The following WNK2 variants were observed in gnomAD, a reference collection of about 807,000 sequenced individuals.
The protein encoded by WNK2 is WNK lysine deficient protein kinase 2.
WNK2 carries 67 observed loss-of-function variants against 192.1 expected under a neutral mutation model. The ratio of observed to expected loss-of-function variants is 0.35; its 90% CI spans 0.29 to 0.43. The LOEUF (loss-of-function observed/expected upper bound fraction) is 0.43. WNK2 is among the 20% of genes least tolerant of loss of function. WNK2 has a pLI of 1.00. For synonymous variants in WNK2, 1,439 were observed against 1,393.9 expected (o/e 1.03, Z -0.72); for missense variants, 2,698 against 3,089.7 (o/e 0.87, Z 3.01).
At chr9:93,235,840 G>A (rs1007117365) in intron 5 of WNK2, among the ~76,000 whole-genome samples, 1 of 152,324 alleles carries the variant, frequency 6.6e-6, no homozygotes, top group Admixed American at 6.5e-5. Flanking sequence ...GGTGCACCAG[G>A]GGCTGTGGTC....
intron 10 of WNK2, chr9:93,256,721 G>T: frequency 1.5e-6 from 1 of 668,032 alleles, no homozygotes; most frequent in Non-Finnish European, 2.5e-6. Context: ...GAACATTTCT[G>T]CAAGATCTGC....
intron 2 of WNK2, among the ~76,000 whole-genome samples, chr9:93,219,592 C>CT (rs1275546490): frequency 6.6e-6 from 1 of 152,244 alleles, no homozygotes; most frequent in Non-Finnish European, 1.5e-5. Flanking sequence ...CCACAGAGGG[C>CT]TGGGCAGGCG....
intron 2 of WNK2, among the ~76,000 whole-genome samples, chr9:93,202,155 A>T (rs1236283602): frequency 1.3e-5 from 2 of 152,156 alleles, no homozygotes; most frequent in Non-Finnish European, 2.9e-5. Flanking sequence ...CCCTGACCAT[A>T]CAAGATGGCT....
chr9:93,301,344 C>A (rs1423320637), intron 26 of WNK2, among the ~76,000 whole-genome samples: 2 of 152,194 alleles, frequency 1.3e-5, no homozygotes, highest in Non-Finnish European at 2.9e-5. Context: ...CTGTGGGAGG[C>A]GTCCACTGCC....
chr9:93,277,502 C>A (rs1381488623), intron 19 of WNK2, among the ~76,000 whole-genome samples: 1 of 152,168 alleles, frequency 6.6e-6, no homozygotes, highest in Non-Finnish European at 1.5e-5. Flanking sequence ...AACTATGGTA[C>A]TTTGAAAAAG....
chr9:93,222,089 G>A (rs1294730392), intron 2 of WNK2, among the ~76,000 whole-genome samples: 2 of 147,458 alleles, frequency 1.4e-5, no homozygotes, highest in Non-Finnish European at 3.0e-5. Flanking sequence ...GTACCGGTGT[G>A]TATGTGCGGG....
chr9:93,253,089 C>A lies in WNK2; in HGVS notation c.2034+7C>A, dbSNP rs780465302. 1.4e-6 allele frequency: 2 copies of A among 1,431,110 alleles called. No individual in the cohort carries two copies. Among genetic ancestry groups the A allele is most frequent in the Non-Finnish European group, 1.8e-6 (2 of 1,092,706 alleles). 88.7% of individuals were successfully genotyped at this position (1,431,110 alleles called of 1,614,324 possible). On this transcript the variant is annotated splice_region_variant and intron_variant, in intron 9 of 29. Transcript: ENST00000427277. ...CCAGCAGCCCACGGCTGCAGTGAGT[C>A]AGAGCATCACTCCCACCCCCTTCCC...
intron 29 of WNK2, chr9:93,318,924 G>T: frequency 7.1e-7 from 1 of 1,417,876 alleles, no homozygotes; most frequent in South Asian, 1.6e-5. Context: ...GTACTTATTA[G>T]AACTGGGTAA....
chr9:93,262,112 G>A lies in WNK2; in HGVS notation c.3360+5G>A. 1 of 1,575,502 alleles carries A rather than the reference G, an allele frequency of 6.3e-7. No individual in the cohort carries two copies. Among genetic ancestry groups the A allele is most frequent in the Non-Finnish European group, 8.7e-7 (1 of 1,155,308 alleles). ...ACGGTGGAACCAGTCCAAGAGGTGT[G>A]TGCCCCTCCCCCCAGCCTGTCCCAT... On this transcript the variant is annotated splice_donor_5th_base_variant and intron_variant, in intron 13 of 29. Coordinates refer to ENST00000427277, the MANE Select transcript of WNK2 (RefSeq NM_006648.4).
At chr9:93,186,915 G>A (rs2130875094) in intron 2 of WNK2, among the ~76,000 whole-genome samples, 1 of 152,248 alleles carries the variant, frequency 6.6e-6, no homozygotes, top group South Asian at 2.1e-4. Flanking sequence ...GGTCCTGTAG[G>A]TTCTGATGGT....
At chr9:93,311,074 C>T (rs1168008775) in intron 28 of WNK2, among the ~76,000 whole-genome samples, 1 of 152,156 alleles carries the variant, frequency 6.6e-6, no homozygotes, top group African/African-American at 2.4e-5. Context: ...ATTGTCCCTC[C>T]CCCAGCCCCT....
At chr9:93,271,242 G>A (rs1266126359) in intron 19 of WNK2, among the ~76,000 whole-genome samples, 1 of 152,228 alleles carries the variant, frequency 6.6e-6, no homozygotes, top group Non-Finnish European at 1.5e-5. Flanking sequence ...GCAACTCGCA[G>A]TCTGAACCTA....
chr9:93,301,449 C>A (rs1851602120), intron 26 of WNK2, among the ~76,000 whole-genome samples: 1 of 152,176 alleles, frequency 6.6e-6, no homozygotes, highest in Non-Finnish European at 1.5e-5. Flanking sequence ...AGGGCCTTCC[C>A]AGGGCTTCCC....
At chr9:93,280,587 C>G (rs561824448) in intron 19 of WNK2, among the ~76,000 whole-genome samples, 1 of 152,250 alleles carries the variant, frequency 6.6e-6, no homozygotes, top group Non-Finnish European at 1.5e-5. Context: ...TAGCCAAGAC[C>G]TGGAAACGGC....
Position 93,267,895 on chromosome 9 carries a change from C to T in WNK2, c.3846C>T (p.Thr1282=), listed in dbSNP as rs1171350584. The change falls in exon 17 of 30, where the codon ACC becomes ACT. Residue 1282 remains threonine, a synonymous_variant. Coordinates refer to ENST00000427277, the MANE Select transcript of WNK2 (RefSeq NM_006648.4). ...GGACCAGCCCGCCACACCTCAGCAC[C>T]TGCGGCCTGGGCACCGGGGAGGTGA... The part of the protein sequence containing the change: ...DPGTSPPHLS[T]CGLGTGEESR... 1 of 1,612,716 alleles carries T rather than the reference C, an allele frequency of 6.2e-7. No homozygotes were observed. The highest frequency in any genetic ancestry group is 1.1e-5 in the South Asian group (1 of 90,808).
Position 93,320,482 on chromosome 9 carries a change from C to A in WNK2, c.*90C>A. ...AGCTGCTCCTCCTGTCCAGTTCACG[C>A]TGTTTTGTAACCACTTTCTAAGCAT... is the stretch of plus-strand genomic sequence containing the variant. On this transcript the variant is annotated 3_prime_UTR_variant, in exon 30 of 30. Transcript: ENST00000427277. 1 of 1,301,692 alleles carries A rather than the reference C, an allele frequency of 7.7e-7. No individual in the cohort carries two copies. Among genetic ancestry groups the A allele is most frequent in the Non-Finnish European group, 1.0e-6 (1 of 964,862 alleles). 80.6% of individuals were successfully genotyped at this position (1,301,692 alleles called of 1,614,324 possible).
In WNK2 at chr9:93,259,412, T is replaced by A; in HGVS notation, c.2864T>A (p.Val955Glu). 3 of 1,236,280 alleles carry A rather than the reference T, an allele frequency of 2.4e-6. No homozygotes were observed. Among genetic ancestry groups the A allele is most frequent in the Non-Finnish European group, 3.2e-6 (3 of 934,928 alleles). The allele number at this position is 1,236,280 out of a possible 1,614,324, so 76.6% of individuals were successfully genotyped here. The stretch of plus-strand genomic sequence containing the variant: ...CAACCCACACTGCCCCCACAACCCG[T>A]GCTGCCCCCGCAACCCACGCTGCCC... Reference protein sequence around the residue: ...PPQPTLPPQPVLPPQPTLPPQ... With the variant: ...PPQPTLPPQPELPPQPTLPPQ... The change falls in exon 12 of 30, where the codon GTG (valine) becomes GAG (glutamate). Residue 955 changes from valine (V) to glutamate (E), a missense_variant. Around this residue, in one of 7 missense-constraint regions of WNK2, gnomAD observed 893 missense variants for 909.0 expected, o/e 0.98. Coordinates refer to ENST00000427277, the MANE Select transcript of WNK2 (RefSeq NM_006648.4). The surrounding 1 kb of genome is among the most constrained non-coding windows in gnomAD (Gnocchi z 4.8).
At chr9:93,241,751 C>T (rs1051730550) in intron 7 of WNK2, among the ~76,000 whole-genome samples, 4 of 152,114 alleles carry the variant, frequency 2.6e-5, no homozygotes, top group African/African-American at 9.7e-5. Flanking sequence ...CCTGGCAGCT[C>T]CTTGTCCATG....
chr9:93,263,888 G>T, intron 15 of WNK2, 29 bp from the exon 16 acceptor site: 1 of 1,581,098 alleles, frequency 6.3e-7, no homozygotes, highest in Non-Finnish European at 8.6e-7. Context: ...GGGTACGCCC[G>T]TGGTGGGTGC....
Sources: gnomAD v4.1 joint callset for allele counts (sites outside exome capture counted in the v4.1 genomes callset) on GRCh38, gnomAD v4.1.1 for gene constraint, gnomAD v4.1.1 regional missense constraint, Gnocchi (gnomAD v3.1) non-coding constraint, MANE v1.5 for transcripts, NCBI Gene and HGNC (gene_info 2026-07-23, HGNC 2026-07-21) for gene names.